The following CRELD2 variants were observed in gnomAD, a reference collection of about 807,000 sequenced individuals.
CRELD2 encodes the protein protein disulfide isomerase CRELD2.
In CRELD2, 33 loss-of-function variants were observed where a neutral mutation model predicts 48.1. The observed-to-expected ratio is 0.69, with a 90% confidence interval of 0.52 to 0.92. The LOEUF (loss-of-function observed/expected upper bound fraction) is 0.92. Among genes scored for constraint, CRELD2 ranks in the 40% least tolerant of loss-of-function variants. The pLI is 0.00. For missense variants in CRELD2, 477 were observed against 482.4 expected, an observed-to-expected ratio of 0.99 and a Z score of 0.10; for synonymous variants, 220 against 203.9, an observed-to-expected ratio of 1.08 and a Z score of -0.67.
Position 49,924,991 on chromosome 22 carries a change from C to T in CRELD2, c.869-426C>T, listed in dbSNP as rs145146257. On this transcript the variant is annotated intron_variant, in intron 8 of 9. Transcript: ENST00000328268. ...CTAAAAATACAAAAAATTAGTCGGG[C>T]GTGGTGGCGGGCGCCTGTAGTCCCA... 317 of 162,364 alleles carry T rather than the reference C, an allele frequency of 2.0e-3. 5 individuals carry two copies. The highest frequency in any genetic ancestry group is 0.014 in the East Asian group (78 of 5,438). 10.1% of individuals were successfully genotyped at this position (162,364 alleles called of 1,614,324 possible).
At chr22:49,922,258 G>A in intron 5 of CRELD2, 1 of 1,420,374 alleles carries the variant, frequency 7.0e-7, no homozygotes, top group East Asian at 2.7e-5. Context: ...TGGATCGATA[G>A]TCAGGACCGG....
Position 49,921,614 on chromosome 22 carries a change from A to C in CRELD2, c.445A>C (p.Ser149Arg). 1 of 1,612,782 alleles carries C rather than the reference A, an allele frequency of 6.2e-7. No homozygotes were observed. The highest frequency in any genetic ancestry group is 8.5e-7 in the Non-Finnish European group (1 of 1,179,934). Residue 149 changes from serine to arginine, a missense_variant, in exon 5 of 10, where the codon AGC (serine) becomes CGC (arginine). Physicochemically the swap from Ser to Arg is moderately radical, Grantham distance 110. Coordinates refer to ENST00000328268, the MANE Select transcript of CRELD2 (RefSeq NM_024324.5). ...ACQGGSQRPC[S>R]GNGHCSGDGS... ...CCAGGGCGGATCCCAGAGGCCCTGC[A>C]GCGGGAATGGCCACTGCAGCGGAGA...
intron 5 of CRELD2, chr22:49,922,228 A>G: frequency 6.6e-7 from 1 of 1,515,986 alleles, no homozygotes; most frequent in East Asian, 2.4e-5. Flanking sequence ...CCCCTAGGCT[A>G]TTCTGGGCAG....
chr22:49,924,392 G>A lies in CRELD2; in HGVS notation c.805G>A (p.Glu269Lys), dbSNP rs1360732180. 3 of 1,612,510 alleles carry A rather than the reference G, an allele frequency of 1.9e-6. No homozygotes were observed. The African/African-American group carries it at 4.0e-5, about 22-fold the overall frequency. The change falls in exon 8 of 10, where the codon GAA (glutamate) becomes AAA (lysine). Residue 269 changes from glutamate (E) to lysine (K), a missense_variant. Glu to Lys is a moderately conservative substitution (Grantham distance 56). Transcript: ENST00000328268. ...CTCCAGCTGTGTGGGCTGCACAGGGGAAGGCCCAGGAAACTGTAAAGAGTG... is the reference window on the plus strand; with the variant it reads ...CTCCAGCTGTGTGGGCTGCACAGGGAAAGGCCCAGGAAACTGTAAAGAGTG... ...CDSSCVGCTG[E>K]GPGNCKECIS...
rs539226732 is a variant in CRELD2, at chr22:49,919,863, G to A, written c.323+23G>A. 3.4e-6 allele frequency: 5 copies of A among 1,485,564 alleles called. No homozygotes were observed. The Admixed American group carries it at 9.2e-5, about 27-fold the overall frequency. 92.0% of individuals were successfully genotyped at this position (1,485,564 alleles called of 1,614,324 possible). ...GCTGTGAGTGCCTTAAAACCTCTTA[G>A]AAGATACTTTTTATTTTCCAACTTA... On this transcript the variant is annotated intron_variant, in intron 3 of 9. Coordinates refer to ENST00000328268, the MANE Select transcript of CRELD2 (RefSeq NM_024324.5).
At chr22:49,923,697 G>A (rs528990089) in intron 7 of CRELD2, 6 of 369,160 alleles carry the variant, frequency 1.6e-5, no homozygotes, top group African/African-American at 1.3e-4. Flanking sequence ...TGATTTTGGA[G>A]CCATTATTTC....
chr22:49,919,592 T>G lies in CRELD2; in HGVS notation c.213-138T>G, dbSNP rs1338178806. ...TGTGGGAACCGCTCCTGGCTTCCCC[T>G]GACAGTGGGGTCCCCTTATTCTCTG... On this transcript the variant is annotated intron_variant, in intron 2 of 9. Transcript: ENST00000328268. The G allele has an allele frequency of 1.2e-5, 8 of 666,386 alleles. No individual in the cohort carries two copies. The Admixed American group carries it at 1.8e-4, about 15-fold the overall frequency. The allele number at this position is 666,386 out of a possible 1,614,324, so 41.3% of individuals were successfully genotyped here.
intron 7 of CRELD2, 28 bp from the exon 8 acceptor site, chr22:49,924,332 G>A (rs201840549): frequency 4.0e-5 from 63 of 1,561,874 alleles, no homozygotes; most frequent in Middle Eastern, 3.8e-4. Context: ...TGTGCATGTC[G>A]GGGTCTGACG....
intron 4 of CRELD2, 101 bp downstream of exon 4, chr22:49,920,348 A>G: frequency 1.3e-6 from 1 of 797,404 alleles, no homozygotes; most frequent in Non-Finnish European, 2.1e-6. Flanking sequence ...GGGGTGCATC[A>G]GCTTTCTGTA....
At chr22:49,922,275 CG>C (rs2060696969) in intron 5 of CRELD2, 2 of 1,405,236 alleles carry the variant, frequency 1.4e-6, no homozygotes, top group Non-Finnish European at 1.9e-6. Flanking sequence ...CCGGCCTCTC[CG>C]ATTCTTACGC....
chr22:49,923,673 C>T lies in CRELD2; in HGVS notation c.772+356C>T. 7.3e-6 allele frequency: 3 copies of T among 412,424 alleles called. 1 individual carries two copies. Among genetic ancestry groups the T allele is most frequent in the South Asian group, 6.9e-5 (3 of 43,394 alleles). 25.5% of individuals were successfully genotyped at this position (412,424 alleles called of 1,614,324 possible). A position where few individuals can be genotyped will look rare whatever the true frequency, so the allele number is the denominator to read the frequency against. ...CGAACGTCTCTGCGTCCTGTGGTTT[C>T]TCTGTCACGCTAATGATTTTGGAGC... On this transcript the variant is annotated intron_variant, in intron 7 of 9. Coordinates refer to ENST00000328268, the MANE Select transcript of CRELD2 (RefSeq NM_024324.5).
chr22:49,921,445 A>G, intron 4 of CRELD2, 140 bp from the exon 5 acceptor site: 1 of 901,828 alleles, frequency 1.1e-6, no homozygotes, highest in Non-Finnish European at 1.6e-6. Context: ...CAGTTTCCCC[A>G]AACACCCACT....
rs1015556367 is a variant in CRELD2, at chr22:49,927,421, C to T, written c.*114C>T. On this transcript the variant is annotated 3_prime_UTR_variant, in exon 10 of 10. Transcript: ENST00000328268. ...CGGGGAGAGGCTGCCTGCTCTCTAA[C>T]GGTTGATTCTCATTTGTCCCTTAAA... 52 of 807,148 alleles carry T rather than the reference C, an allele frequency of 6.4e-5. No individual in the cohort carries two copies. Among genetic ancestry groups the T allele is most frequent in the African/African-American group, 1.7e-4 (10 of 58,858 alleles). The allele number at this position is 807,148 out of a possible 1,614,324, so 50.0% of individuals were successfully genotyped here.
intron 4 of CRELD2, chr22:49,921,266 G>A: frequency 3.0e-6 from 1 of 338,106 alleles, no homozygotes; most frequent in East Asian, 5.2e-5. Context: ...GATGTCACTA[G>A]GCAATAAGAG....
At position 49,924,613 on chromosome 22, in the gene CRELD2, G is replaced by C. The variant is rs1033353725; in HGVS notation, c.868+158G>C. The C allele has an allele frequency of 1.9e-4, 97 of 523,472 alleles. 1 individual carries two copies. In the Middle Eastern group the frequency reaches 3.4e-3, roughly 18 times the overall value. The allele number at this position is 523,472 out of a possible 1,614,324, so 32.4% of individuals were successfully genotyped here. A position where few individuals can be genotyped will look rare whatever the true frequency, so the allele number is the denominator to read the frequency against. On this transcript the variant is annotated intron_variant, in intron 8 of 9. Coordinates refer to ENST00000328268, the MANE Select transcript of CRELD2 (RefSeq NM_024324.5). ...ACTGTGCACTCGCCCTGAGGTCCACGTGAGACACAGAAGCAGTGGGGGTGG... is the reference window on the plus strand; with the variant it reads ...ACTGTGCACTCGCCCTGAGGTCCACCTGAGACACAGAAGCAGTGGGGGTGG...
intron 8 of CRELD2, chr22:49,924,831 G>A (rs2060741858): frequency 5.7e-6 from 1 of 175,614 alleles, no homozygotes; most frequent in African/African-American, 2.4e-5. Flanking sequence ...ATGGAACCCG[G>A]TGGAGAAAGT....
rs939207127 is a variant in CRELD2, at chr22:49,918,713, G to A, written c.-57G>A. 1.0e-5 allele frequency: 7 copies of A among 667,252 alleles called. No homozygotes were observed. Among genetic ancestry groups the A allele is most frequent in the Non-Finnish European group, 1.3e-5 (6 of 473,492 alleles). The allele number at this position is 667,252 out of a possible 1,614,324, so 41.3% of individuals were successfully genotyped here. A position where few individuals can be genotyped will look rare whatever the true frequency, so the allele number is the denominator to read the frequency against. On this transcript the variant is annotated 5_prime_UTR_variant, in exon 1 of 10. Coordinates refer to ENST00000328268, the MANE Select transcript of CRELD2 (RefSeq NM_024324.5). ...GCGGGTGGGCGGCCGGGAGGCCGGA[G>A]CAGCACGGCCGCAGGACCTGGAGCT...
intron 5 of CRELD2, 129 bp downstream of exon 5, chr22:49,921,890 G>T: frequency 1.1e-6 from 1 of 924,318 alleles, no homozygotes; most frequent in Non-Finnish European, 1.6e-6. Context: ...GAAGCTTCGA[G>T]GGCCCAGAAG....
At chr22:49,919,017 A>C in intron 1 of CRELD2, 119 bp downstream of exon 1, 2 of 929,766 alleles carry the variant, frequency 2.2e-6, no homozygotes, top group Non-Finnish European at 3.1e-6. Context: ...GGTCCCCCTC[A>C]CCCTGGATTC....
Sources: gnomAD v4.1 joint callset for allele counts on GRCh38, gnomAD v4.1.1 for gene constraint, MANE v1.5 for transcripts, NCBI Gene and HGNC (gene_info 2026-07-23, HGNC 2026-07-21) for gene names.